PLPPR5: variants seen among roughly 807,000 people sequenced by gnomAD.
PLPPR5 encodes the protein phospholipid phosphatase-related protein type 5.
A neutral mutation model predicts 33.9 loss-of-function variants in PLPPR5; 16 were observed. The ratio of observed to expected loss-of-function variants is 0.47; its 90% CI spans 0.32 to 0.72. PLPPR5 has a LOEUF of 0.72. Among genes scored for constraint, PLPPR5 ranks in the 30% least tolerant of loss-of-function variants. The pLI is 0.03. For synonymous variants in PLPPR5, 163 were observed against 150.3 expected (o/e 1.08, Z -0.62); for missense variants, 301 against 406.7 (o/e 0.74, Z 2.23).
rs774451837 is a variant in PLPPR5 at position 98,953,310 on chromosome 1, T to A, written c.381A>T (p.Thr127=). 1 of 1,613,888 alleles carries A rather than the reference T, an allele frequency of 6.2e-7. No individual in the cohort carries two copies. The highest frequency in any genetic ancestry group is 1.1e-5 in the South Asian group (1 of 91,074). ...AGATATCTGTAGCAAACAGTCCAAA[T>A]GTATAAATTCCTGGGGAAGAAAACA... is the stretch of plus-strand genomic sequence containing the variant. ...RRTVRFLGIY[T]FGLFATDIFV... Residue 127 remains threonine, a synonymous_variant, in exon 3 of 6, where the codon ACA becomes ACT. Coordinates refer to ENST00000263177, the MANE Select transcript of PLPPR5 (RefSeq NM_001037317.2).
intron 3 of PLPPR5, among the ~76,000 whole-genome samples, chr1:98,943,077 T>C (rs1420094899): frequency 6.6e-6 from 1 of 152,124 alleles, no homozygotes; most frequent in Non-Finnish European, 1.5e-5. Flanking sequence ...CAGAAAGTTA[T>C]AGAGGTGGTT....
intron 1 of PLPPR5, among the ~76,000 whole-genome samples, chr1:99,001,912 T>G: frequency 6.6e-6 from 1 of 151,778 alleles, no homozygotes; most frequent in East Asian, 1.9e-4. Flanking sequence ...GCCATCATGT[T>G]CCCAAATGTT....
chr1:98,954,826 G>C (rs780335999), intron 2 of PLPPR5, among the ~76,000 whole-genome samples: 1 of 152,062 alleles, frequency 6.6e-6, no homozygotes, highest in Non-Finnish European at 1.5e-5. Context: ...CCAAGCATGG[G>C]AACCTAAATC....
chr1:98,909,366 T>C (rs1649035357), intron 5 of PLPPR5, among the ~76,000 whole-genome samples: 1 of 151,366 alleles, frequency 6.6e-6, no homozygotes, highest in African/African-American at 2.4e-5. Context: ...TGTTCCTTTC[T>C]ATACTACTAA....
rs114475402 is a variant in PLPPR5, at chr1:98,923,153, C to T, written c.622-1095G>A. Among the ~76,000 whole-genome samples the T allele has an allele frequency of 8.2e-3, 1,248 of 152,278 alleles. 13 individuals are homozygous for T. The highest frequency in any genetic ancestry group is 0.028 in the African/African-American group (1,171 of 41,556). The stretch of plus-strand genomic sequence containing the variant: ...GCAAATGAAATGTCATGAGCCACTA[C>T]GCTCAAGAATAATTTGGTCCTTCCC... On this transcript the variant is annotated intron_variant, in intron 3 of 5. Transcript: ENST00000263177.
intron 3 of PLPPR5, 59 bp from the exon 4 acceptor site, chr1:98,922,117 C>G: frequency 6.8e-7 from 1 of 1,478,526 alleles, no homozygotes; most frequent in Non-Finnish European, 9.3e-7. Flanking sequence ...ATTAGCATAG[C>G]ATATTATGTG....
chr1:98,971,642 A>C (rs574592969), intron 1 of PLPPR5, among the ~76,000 whole-genome samples: 1 of 152,130 alleles, frequency 6.6e-6, no homozygotes, highest in East Asian at 1.9e-4. Context: ...ACTGAGTCCT[A>C]TTGTGGGCTG....
chr1:98,905,544 G>C (rs1260239306), intron 5 of PLPPR5, among the ~76,000 whole-genome samples: 1 of 152,028 alleles, frequency 6.6e-6, no homozygotes, highest in Non-Finnish European at 1.5e-5. Context: ...ATGAAATCTG[G>C]AGAGTCTTGT....
At chr1:98,972,428 A>G (rs1651695005) in intron 1 of PLPPR5, among the ~76,000 whole-genome samples, 1 of 152,110 alleles carries the variant, frequency 6.6e-6, no homozygotes, top group African/African-American at 2.4e-5. Context: ...CAAAATCTTA[A>G]TTATAATCTC....
intron 5 of PLPPR5, among the ~76,000 whole-genome samples, chr1:98,896,787 A>T (rs1315430399): frequency 6.6e-6 from 1 of 151,978 alleles, no homozygotes; most frequent in African/African-American, 2.4e-5. Flanking sequence ...CTGCATGAAA[A>T]TCTCTATTTT....
chr1:98,919,980 G>A (rs1171420693), intron 4 of PLPPR5, among the ~76,000 whole-genome samples: 1 of 152,102 alleles, frequency 6.6e-6, no homozygotes, highest in Admixed American at 6.6e-5. Context: ...GTGAATGAAT[G>A]CATAAATGCA....
At chr1:98,963,275 C>G (rs12083357) in intron 1 of PLPPR5, among the ~76,000 whole-genome samples, 4 of 152,184 alleles carry the variant, frequency 2.6e-5, no homozygotes, top group African/African-American at 9.6e-5. Context: ...GTTCATCATT[C>G]CCTTCTCTGT....
Position 98,993,489 on chromosome 1 carries a change from T to C in PLPPR5, c.237+10946A>G, listed in dbSNP as rs1018433835. On this transcript the variant is annotated intron_variant, in intron 1 of 5. Transcript: ENST00000263177. The stretch of plus-strand genomic sequence containing the variant: ...GTGAAAGACCAAAAAGATTGTCATA[T>C]AGTTTTGACTAAGTCTCTTCATTCA... Among the ~76,000 whole-genome samples the C allele has an allele frequency of 1.6e-4, 25 of 152,228 alleles. No individual in the cohort carries two copies. In the East Asian group the frequency reaches 3.9e-3, roughly 24 times the overall value.
At chr1:98,993,216 T>A (rs1192980930) in intron 1 of PLPPR5, among the ~76,000 whole-genome samples, 5 of 152,118 alleles carry the variant, frequency 3.3e-5, no homozygotes, top group Non-Finnish European at 7.4e-5. Flanking sequence ...GATAAAACTA[T>A]ATAATCTCTA....
intron 1 of PLPPR5, among the ~76,000 whole-genome samples, chr1:98,969,829 A>T (rs546030067): frequency 1.8e-4 from 28 of 152,132 alleles, no homozygotes; most frequent in African/African-American, 6.3e-4. Flanking sequence ...TCTGTTGTAC[A>T]GTGGTCACCT....
At chr1:98,971,270 T>C (rs949536965) in intron 1 of PLPPR5, among the ~76,000 whole-genome samples, 1 of 152,102 alleles carries the variant, frequency 6.6e-6, no homozygotes, top group African/African-American at 2.4e-5. Context: ...AAATAAACTT[T>C]GGAGAAGAGT....
intron 5 of PLPPR5, among the ~76,000 whole-genome samples, chr1:98,897,537 G>A (rs143382387): frequency 9.1e-4 from 139 of 152,230 alleles, no homozygotes; most frequent in Middle Eastern, 3.4e-3. Context: ...ATTCTTTCAA[G>A]ATGATTGATG....
chr1:98,916,951 C>A (rs1649378115), intron 4 of PLPPR5, among the ~76,000 whole-genome samples: 1 of 152,082 alleles, frequency 6.6e-6, no homozygotes, highest in Non-Finnish European at 1.5e-5. Context: ...AGACAGTTCT[C>A]CGAGTCTCAG....
rs41312738 is a variant in PLPPR5 at position 98,893,065 on chromosome 1, T to C, written c.*7A>G. The C allele has an allele frequency of 2.3e-3, 3,716 of 1,611,062 alleles. 8 individuals are homozygous for C. Among genetic ancestry groups the C allele is most frequent in the Non-Finnish European group, 2.9e-3 (3,466 of 1,178,270 alleles). On this transcript the variant is annotated 3_prime_UTR_variant, in exon 6 of 6. Transcript: ENST00000263177. ...TCCAATGCAGTGAAAAACCATCTGCTTCGATATCATGTGACTTCTGCGAAG... is the reference window on the plus strand; with the variant it reads ...TCCAATGCAGTGAAAAACCATCTGCCTCGATATCATGTGACTTCTGCGAAG...
Sources: gnomAD v4.1 joint callset for allele counts (sites outside exome capture counted in the v4.1 genomes callset) on GRCh38, gnomAD v4.1.1 for gene constraint, MANE v1.5 for transcripts, NCBI Gene and HGNC (gene_info 2026-07-23, HGNC 2026-07-21) for gene names.